AMN: variants seen among roughly 807,000 people sequenced by gnomAD.
The protein encoded by AMN is protein amnionless.
In AMN, 40 loss-of-function variants were observed where a neutral mutation model predicts 49.1. That is an observed-to-expected ratio of 0.81 (90% CI 0.63 to 1.06). The LOEUF (loss-of-function observed/expected upper bound fraction) is 1.06, where lower values mean the gene tolerates loss of function less well. AMN is among the 50% of genes least tolerant of loss of function. AMN has a pLI of 0.00. For synonymous variants in AMN, 380 were observed against 313.3 expected (o/e 1.21, Z -2.25); for missense variants, 701 against 662.8 (o/e 1.06, Z -0.63).
In AMN at chr14:102,922,900, C is replaced by T. The variant is rs1179168662; in HGVS notation, c.43+169C>T. ...CCCTGCCTCCCTCGTCTGGCGAGTG[C>T]GCAGCCCGGAAGTGCGCGGCCAGTG... On this transcript the variant is annotated intron_variant, in intron 1 of 11. Coordinates refer to ENST00000299155, the MANE Select transcript of AMN (RefSeq NM_030943.4). 16 of 985,296 alleles carry T rather than the reference C, an allele frequency of 1.6e-5. No homozygotes were observed. The Admixed American group carries it at 2.0e-4, about 12-fold the overall frequency. The allele number at this position is 985,296 out of a possible 1,614,324, so 61.0% of individuals were successfully genotyped here. A position where few individuals can be genotyped will look rare whatever the true frequency, so the allele number is the denominator to read the frequency against.
chr14:102,930,836 T>A lies in AMN; in HGVS notation c.*156T>A. On this transcript the variant is annotated 3_prime_UTR_variant, in exon 12 of 12. Coordinates refer to ENST00000299155, the MANE Select transcript of AMN (RefSeq NM_030943.4). ...GGTGGCCTTACTCAGTAAAGGTGTT[T>A]CCTGCACCTGCTGTCAGCCTGGCTA... The A allele has an allele frequency of 2.4e-6, 2 of 838,386 alleles. No homozygotes were observed. The highest frequency in any genetic ancestry group is 3.8e-6 in the Non-Finnish European group (2 of 524,798). The allele number at this position is 838,386 out of a possible 1,614,324, so 51.9% of individuals were successfully genotyped here. A position where few individuals can be genotyped will look rare whatever the true frequency, so the allele number is the denominator to read the frequency against.
rs554401493 is a variant in AMN, at chr14:102,923,748, C to A, written c.81C>A (p.Asn27Lys). The A allele has an allele frequency of 1.2e-6, 2 of 1,612,824 alleles. No homozygotes were observed. The highest frequency in any genetic ancestry group is 1.7e-6 in the Non-Finnish European group (2 of 1,179,890). Residue 27 changes from asparagine to lysine, a missense_variant, in exon 2 of 12, where the codon AAC (asparagine) becomes AAA (lysine). Physicochemically the swap from Asn to Lys is moderately conservative, Grantham distance 94. Coordinates refer to ENST00000299155, the MANE Select transcript of AMN (RefSeq NM_030943.4). ...TQAVSKLWVP[N>K]TDFDVAANWS... is the part of the protein sequence containing the mutation. ...CGGTCTCCAAACTCTGGGTCCCCAA[C>A]ACGGACTTCGACGTCGCAGCCAACT...
chr14:102,923,145 G>C (rs1891099196), intron 1 of AMN: 1 of 234,296 alleles, frequency 4.3e-6, no homozygotes, highest in African/African-American at 2.3e-5. Flanking sequence ...ACACCAGGCC[G>C]GCGCGTGTCC....
Position 102,928,494 on chromosome 14 carries a change from G to T in AMN, c.276G>T (p.Ser92=). The T allele has an allele frequency of 1.2e-6, 2 of 1,608,850 alleles. No individual in the cohort carries two copies. The highest frequency in any genetic ancestry group is 1.7e-6 in the Non-Finnish European group (2 of 1,179,002). The change falls in exon 4 of 12, where the codon TCG becomes TCT. Residue 92 remains serine, a synonymous_variant. Transcript: ENST00000299155. ...GAGFGVSDVG[S]HLDCGAGEPA... ...GATTCGGCGTCTCAGACGTGGGCTC[G>T]CACCTGGACTGTGGCGCGGGTGAGG...
At chr14:102,925,997 C>A (rs897720325) in intron 3 of AMN, among the ~76,000 whole-genome samples, 10 of 152,180 alleles carry the variant, frequency 6.6e-5, no homozygotes, top group African/African-American at 2.4e-4. Flanking sequence ...TTTCCTTTTC[C>A]TTGCCCTTCC....
chr14:102,929,903 C>T, intron 8 of AMN, 21 bp from the exon 9 acceptor site: 1 of 1,551,610 alleles, frequency 6.4e-7, no homozygotes, highest in Non-Finnish European at 8.7e-7. Context: ...TGAGTCAAAC[C>T]AACCCCGTCC....
Position 102,930,732 on chromosome 14 carries a change from C to T in AMN, c.*52C>T, listed in dbSNP as rs758633827. The T allele has an allele frequency of 6.6e-7, 1 of 1,519,742 alleles. No individual in the cohort carries two copies. The highest frequency in any genetic ancestry group is 8.9e-7 in the Non-Finnish European group (1 of 1,123,964). The allele number at this position is 1,519,742 out of a possible 1,614,324, so 94.1% of individuals were successfully genotyped here. On this transcript the variant is annotated 3_prime_UTR_variant, in exon 12 of 12. Coordinates refer to ENST00000299155, the MANE Select transcript of AMN (RefSeq NM_030943.4). ...GCTCTCCACCCGCTCTGGCCCCAGTCGAACTGGGGGCTAGCCACCTCCTCG... is the reference window on the plus strand; with the variant it reads ...GCTCTCCACCCGCTCTGGCCCCAGTTGAACTGGGGGCTAGCCACCTCCTCG...
At chr14:102,929,885 CG>C in intron 8 of AMN, 38 bp from the exon 9 acceptor site, 3 of 1,549,278 alleles carry the variant, frequency 1.9e-6, no homozygotes, top group Non-Finnish European at 2.6e-6. Context: ...TCGGGGAGGG[CG>C]GGGGGCTGAG....
In AMN at chr14:102,928,116, C is replaced by T. The variant is rs545896361; in HGVS notation, c.208-310C>T. ...AGGCCCTGGCCAGAGTCACCTCCGC[C>T]CCAGACTCCCCACGGCTCCGTCTCG... On this transcript the variant is annotated intron_variant, in intron 3 of 11. Coordinates refer to ENST00000299155, the MANE Select transcript of AMN (RefSeq NM_030943.4). Among the ~76,000 whole-genome samples, 12 of 152,376 alleles carry T rather than the reference C, an allele frequency of 7.9e-5. 1 individual carries two copies. The South Asian group carries it at 1.7e-3, about 21-fold the overall frequency.
Position 102,929,206 on chromosome 14 carries a change from T to G in AMN, c.599T>G (p.Val200Gly). The G allele has an allele frequency of 6.3e-7, 1 of 1,583,532 alleles. No homozygotes were observed. The highest frequency in any genetic ancestry group is 1.7e-4 in the Middle Eastern group (1 of 5,872). ...LRFHGPGALSVGPEDCADPSG... is the reference protein window; with the variant it reads ...LRFHGPGALSGGPEDCADPSG... ...TTCCACGGGCCGGGCGCGCTGAGCGTGGGCCCCGAGGACTGCGCGGACCCG... is the reference window on the plus strand; with the variant it reads ...TTCCACGGGCCGGGCGCGCTGAGCGGGGGCCCCGAGGACTGCGCGGACCCG... The change falls in exon 6 of 12, where the codon GTG (valine) becomes GGG (glycine). Residue 200 changes from valine (V) to glycine (G), a missense_variant. Physicochemically the swap from Val to Gly is moderately radical, Grantham distance 109. Coordinates refer to ENST00000299155, the MANE Select transcript of AMN (RefSeq NM_030943.4).
In AMN at chr14:102,929,163, C is replaced by T; in HGVS notation, c.556C>T (p.Arg186Cys). The T allele has an allele frequency of 2.5e-6, 4 of 1,596,010 alleles. No homozygotes were observed. The highest frequency in any genetic ancestry group is 3.4e-6 in the Non-Finnish European group (4 of 1,178,950). Reference sequence around the variant, plus strand: ...GGACCTGGCTGTTTTCCTGGCGTCCCGCGCGGGCCGCCTACGCTTCCACGG... The same window carrying T: ...GGACCTGGCTGTTTTCCTGGCGTCCTGCGCGGGCCGCCTACGCTTCCACGG... ...DEDLAVFLAS[R>C]AGRLRFHGPG... The change falls in exon 6 of 12, where the codon CGC (arginine) becomes TGC (cysteine). Residue 186 changes from arginine to cysteine, a missense_variant. Coordinates refer to ENST00000299155, the MANE Select transcript of AMN (RefSeq NM_030943.4).
Position 102,929,951 on chromosome 14 carries a change from G to T in AMN, c.871G>T (p.Val291Leu). 1.9e-6 allele frequency: 3 copies of T among 1,563,356 alleles called. No individual in the cohort carries two copies. The South Asian group carries it at 3.5e-5, about 18-fold the overall frequency. Reference protein sequence around the residue: ...LPQYHGLQVAVSKVPRSSRLR... With the variant: ...LPQYHGLQVALSKVPRSSRLR... The stretch of plus-strand genomic sequence containing the variant: ...TCAGTACCACGGGCTGCAGGTGGCC[G>T]TGTCCAAGGTGCCACGCTCGTCCCG... Residue 291 changes from valine (V) to leucine (L), a missense_variant, in exon 9 of 12, where the codon GTG becomes TTG. Coordinates refer to ENST00000299155, the MANE Select transcript of AMN (RefSeq NM_030943.4).
At position 102,922,695 on chromosome 14, in the gene AMN, G is replaced by C. The variant is rs889436372; in HGVS notation, c.7G>C (p.Val3Leu). 41 of 1,599,074 alleles carry C rather than the reference G, an allele frequency of 2.6e-5. No individual in the cohort carries two copies. Among genetic ancestry groups the C allele is most frequent in the Admixed American group, 5.2e-5 (3 of 58,214 alleles). Residue 3 changes from valine (V) to leucine (L), a missense_variant, in exon 1 of 12, where the codon GTC becomes CTC. Coordinates refer to ENST00000299155, the MANE Select transcript of AMN (RefSeq NM_030943.4). ...TGCAAGGAGCCGAGGCGAGATGGGCGTCCTGGGCCGGGTCCTGCTGTGGCT... is the reference window on the plus strand; with the variant it reads ...TGCAAGGAGCCGAGGCGAGATGGGCCTCCTGGGCCGGGTCCTGCTGTGGCT... MG[V>L]LGRVLLWLQL...
intron 1 of AMN, 44 bp from the exon 2 acceptor site, chr14:102,923,667 G>A: frequency 1.3e-6 from 2 of 1,540,790 alleles, no homozygotes; most frequent in Non-Finnish European, 1.8e-6. Flanking sequence ...TGAGAAGGGA[G>A]CATCCCGGAG....
In AMN at chr14:102,923,950, G is replaced by C. The variant is rs1444634054; in HGVS notation, c.178G>C (p.Val60Leu). ...CTTCCTGCAGATGGTGTCAGTCCTGGTGCAAGAAGGTCACGCCGTCTCAGA... is the reference window on the plus strand; with the variant it reads ...CTTCCTGCAGATGGTGTCAGTCCTGCTGCAAGAAGGTCACGCCGTCTCAGA... ...FPADKMVSVL[V>L]QEGHAVSDML... Residue 60 changes from valine to leucine, a missense_variant, in exon 3 of 12, where the codon GTG becomes CTG. Coordinates refer to ENST00000299155, the MANE Select transcript of AMN (RefSeq NM_030943.4). 3 of 1,613,272 alleles carry C rather than the reference G, an allele frequency of 1.9e-6. No individual in the cohort carries two copies. The highest frequency in any genetic ancestry group is 3.3e-4 in the Middle Eastern group (2 of 6,062).
At chr14:102,926,242 G>A (rs1891184633) in intron 3 of AMN, among the ~76,000 whole-genome samples, 1 of 152,198 alleles carries the variant, frequency 6.6e-6, no homozygotes, top group Non-Finnish European at 1.5e-5. Flanking sequence ...AATGGTAATG[G>A]ACTGTGTACC....
In AMN at chr14:102,930,102, C is replaced by G. The variant is rs1261287930; in HGVS notation, c.1006+16C>G. On this transcript the variant is annotated intron_variant, in intron 9 of 11. Coordinates refer to ENST00000299155, the MANE Select transcript of AMN (RefSeq NM_030943.4). The stretch of plus-strand genomic sequence containing the variant: ...GCCGAGAACGGTAACCGCGCCCGCC[C>G]CATCCCGCCCCGCCGCGCCTCGCCC... 2.0e-6 allele frequency: 3 copies of G among 1,517,248 alleles called. No individual in the cohort carries two copies. Among genetic ancestry groups the G allele is most frequent in the South Asian group, 2.5e-5 (2 of 80,804 alleles). The allele number at this position is 1,517,248 out of a possible 1,614,324, so 94.0% of individuals were successfully genotyped here.
At chr14:102,922,783 C>T (rs1156964936) in intron 1 of AMN, 52 bp downstream of exon 1, 4 of 1,549,296 alleles carry the variant, frequency 2.6e-6, no homozygotes, top group Middle Eastern at 2.2e-4. Context: ...TCTGTCAGGA[C>T]CCAGGGCCGA....
Position 102,922,706 on chromosome 14 carries a change from G to A in AMN, c.18G>A (p.Arg6=), listed in dbSNP as rs200460988. The A allele has an allele frequency of 4.4e-6, 7 of 1,597,280 alleles. No homozygotes were observed. The highest frequency in any genetic ancestry group is 6.0e-6 in the Non-Finnish European group (7 of 1,174,982). ...GAGGCGAGATGGGCGTCCTGGGCCG[G>A]GTCCTGCTGTGGCTGCAGCTCTGCG... MGVLG[R]VLLWLQLCAL... is the part of the protein sequence containing the mutation. Residue 6 remains arginine, a synonymous_variant, in exon 1 of 12, where the codon CGG becomes CGA. Coordinates refer to ENST00000299155, the MANE Select transcript of AMN (RefSeq NM_030943.4).
Sources: gnomAD v4.1 joint callset for allele counts (sites outside exome capture counted in the v4.1 genomes callset) on GRCh38, gnomAD v4.1.1 for gene constraint, MANE v1.5 for transcripts, NCBI Gene and HGNC (gene_info 2026-07-23, HGNC 2026-07-21) for gene names.